PBX1: variants seen among roughly 807,000 people sequenced by gnomAD.
PBX1 encodes the protein pre-B-cell leukemia transcription factor 1.
PBX1 carries 6 observed loss-of-function variants against 53.4 expected under a neutral mutation model. The ratio of observed to expected loss-of-function variants is 0.11; its 90% CI spans 0.06 to 0.22. The LOEUF (loss-of-function observed/expected upper bound fraction) is 0.22, where lower values mean the gene tolerates loss of function less well. Ranked by LOEUF, PBX1 falls within the 10% of genes least tolerant of loss-of-function variation. PBX1 has a pLI of 1.00. For synonymous variants in PBX1, 204 were observed against 212.3 expected, an observed-to-expected ratio of 0.96 and a Z score of 0.34; for missense variants, 251 against 551.4, an observed-to-expected ratio of 0.46 and a Z score of 5.46.
At chr1:164,885,681 C>T (rs1672761255) in intron 2 of PBX1, among the ~76,000 whole-genome samples, 2 of 152,250 alleles carry the variant, frequency 1.3e-5, no homozygotes, top group South Asian at 4.1e-4. Flanking sequence ...ATGATAATAC[C>T]TACCTCAGGG....
chr1:164,781,115 A>G (rs74121232), intron 2 of PBX1, among the ~76,000 whole-genome samples: 1 of 151,584 alleles, frequency 6.6e-6, no homozygotes. Context: ...TCATCCACAT[A>G]CTCTCCCTGA....
chr1:164,706,046 A>G (rs1332735904), intron 2 of PBX1, among the ~76,000 whole-genome samples: 1 of 152,186 alleles, frequency 6.6e-6, no homozygotes, highest in African/African-American at 2.4e-5. Flanking sequence ...TTGGAATTCT[A>G]TGGTTGATAT....
At chr1:164,676,676 CCTAACTTG>C (rs1484866873) in intron 2 of PBX1, among the ~76,000 whole-genome samples, 6 of 152,164 alleles carry the variant, frequency 3.9e-5, no homozygotes, top group African/African-American at 1.4e-4. Context: ...CCTGCAGCCC[CCTAACTTG>C]CTAGCTAAGT....
At chr1:164,821,971 C>T (rs1670178185) in intron 8 of PBX1, among the ~76,000 whole-genome samples, 1 of 152,052 alleles carries the variant, frequency 6.6e-6, no homozygotes, top group Admixed American at 6.5e-5. Context: ...GCCTGGGAAC[C>T]TGGGAGGTGA....
intron 2 of PBX1, among the ~76,000 whole-genome samples, chr1:164,629,516 T>A (rs1329036681): frequency 6.6e-6 from 1 of 152,188 alleles, no homozygotes; most frequent in East Asian, 1.9e-4. Context: ...GTGCACTGAT[T>A]ACATTCTTAG....
chr1:164,597,467 G>A (rs943844998), intron 2 of PBX1, among the ~76,000 whole-genome samples: 2 of 152,174 alleles, frequency 1.3e-5, no homozygotes, highest in Non-Finnish European at 2.9e-5. Context: ...TTGAAATGGA[G>A]CTATTTGGGG....
chr1:164,881,562 TGAGA>T (rs759009258), intron 2 of PBX1, among the ~76,000 whole-genome samples: 4 of 47,182 alleles, frequency 8.5e-5, no homozygotes, highest in Non-Finnish European at 7.4e-5. Context: ...GTAGCGGTGG[TGAGA>T]GAGAGAGAGA....
chr1:164,655,107 T>TA (rs1365717192), intron 2 of PBX1, among the ~76,000 whole-genome samples: 4 of 150,552 alleles, frequency 2.7e-5, no homozygotes, highest in African/African-American at 9.9e-5. Flanking sequence ...TGTGTTTTTT[T>TA]TTTTTTTTTA....
intron 2 of PBX1, among the ~76,000 whole-genome samples, chr1:164,695,190 C>T (rs950880984): frequency 6.6e-5 from 10 of 152,296 alleles, no homozygotes; most frequent in African/African-American, 2.2e-4. Context: ...ATGTCACTTT[C>T]GCTCACTTGA....
At chr1:164,776,978 A>AGATGGGAGGTGTGGGG (rs1553244687) in intron 2 of PBX1, among the ~76,000 whole-genome samples, 1 of 46,440 alleles carries the variant, frequency 2.2e-5, no homozygotes, top group African/African-American at 1.2e-4. Flanking sequence ...AGAGAGAGAG[A>AGATGGGAGGTGTGGGG]GGAGGTGTGG....
At chr1:164,661,847 A>T (rs1660510119) in intron 2 of PBX1, among the ~76,000 whole-genome samples, 1 of 152,164 alleles carries the variant, frequency 6.6e-6, no homozygotes, top group Non-Finnish European at 1.5e-5. Context: ...TTAATTTTTT[A>T]AAAATTTATT....
chr1:164,853,436 T>C (rs1671903731), downstream of PBX1, among the ~76,000 whole-genome samples: 1 of 152,118 alleles, frequency 6.6e-6, no homozygotes, highest in Admixed American at 6.5e-5. Flanking sequence ...GGACACACTT[T>C]CAGTAGAGAC....
At chr1:164,576,380 G>C (rs1391957199) in intron 2 of PBX1, among the ~76,000 whole-genome samples, 1 of 152,170 alleles carries the variant, frequency 6.6e-6, no homozygotes, top group Non-Finnish European at 1.5e-5. Context: ...GGGAGCGCCC[G>C]GCCACTGCCC....
intron 2 of PBX1, among the ~76,000 whole-genome samples, chr1:164,628,779 G>A (rs559291832): frequency 6.6e-6 from 1 of 152,100 alleles, no homozygotes; most frequent in East Asian, 1.9e-4. Flanking sequence ...AATTTTTAGT[G>A]CCTTAGTTTG....
chr1:164,786,720 T>TGTGCGC (rs1357886882), intron 2 of PBX1, among the ~76,000 whole-genome samples: 45 of 116,296 alleles, frequency 3.9e-4, no homozygotes, highest in African/African-American at 1.4e-3. Context: ...TGTGTGTGTG[T>TGTGCGC]GCGCGCGCAC....
chr1:164,569,294 T>C (rs756993222), intron 2 of PBX1, among the ~76,000 whole-genome samples: 8 of 152,192 alleles, frequency 5.3e-5, no homozygotes, highest in Non-Finnish European at 1.0e-4. Context: ...CTCATTTTCC[T>C]TATTTATAAA....
intron 2 of PBX1, among the ~76,000 whole-genome samples, chr1:164,574,692 ATT>A (rs1213924114): frequency 1.3e-5 from 2 of 152,146 alleles, no homozygotes; most frequent in Non-Finnish European, 1.5e-5. Flanking sequence ...AATTAAAAAA[ATT>A]TTTATTGCTG....
At position 164,755,120 on chromosome 1, in the gene PBX1, A is replaced by T. The variant is rs538773966; in HGVS notation, c.266-37374A>T. 9.2e-4 allele frequency among the ~76,000 whole-genome samples: 140 copies of T among 152,326 alleles called. 4 individuals carry two copies. In the South Asian group the frequency reaches 0.028, roughly 31 times the overall value. On this transcript the variant is annotated intron_variant, in intron 2 of 8. Coordinates refer to ENST00000420696, the MANE Select transcript of PBX1 (RefSeq NM_002585.4). ...AGCTACCCTAGAAAAGCAACAGAAG[A>T]TTCCAATTCATTGATCTAGGAAGAA... is the stretch of plus-strand genomic sequence containing the variant.
At chr1:164,632,322 T>C (rs1384961838) in intron 2 of PBX1, among the ~76,000 whole-genome samples, 1 of 152,148 alleles carries the variant, frequency 6.6e-6, no homozygotes, top group Admixed American at 6.6e-5. Context: ...TTCATCTTTA[T>C]TATGCAGTTT....
Sources: allele counts gnomAD v4.1 joint callset (sites outside exome capture counted in the v4.1 genomes callset), GRCh38; gene constraint gnomAD v4.1.1; transcripts MANE v1.5; gene names NCBI Gene and HGNC (gene_info 2026-07-23, HGNC 2026-07-21).